The following ACTR3C variants were observed in gnomAD, a reference collection of about 807,000 sequenced individuals.
ACTR3C encodes actin-related protein 3C.
Under a neutral mutation model 26.3 loss-of-function variants are expected in ACTR3C, and 18 were observed. The ratio of observed to expected loss-of-function variants is 0.68; its 90% CI spans 0.47 to 1.01. ACTR3C has a LOEUF of 1.01. Among genes scored for constraint, ACTR3C ranks in the 50% least tolerant of loss-of-function variants. ACTR3C has a pLI of 0.00. For missense variants in ACTR3C, 184 were observed against 250.7 expected (o/e 0.73, Z 1.80); for synonymous variants, 55 against 94.5 (o/e 0.58, Z 2.42).
At chr7:150,071,936 G>A in the ACTR3C span, among the ~76,000 whole-genome samples, 1 of 145,778 alleles carries the variant, frequency 6.9e-6, no homozygotes, top group Non-Finnish European at 1.5e-5. Context: ...AGGCGGAGAG[G>A]GGCCTACCAG....
the ACTR3C span, among the ~76,000 whole-genome samples, chr7:150,008,656 C>T: frequency 6.7e-6 from 1 of 150,276 alleles, no homozygotes. Flanking sequence ...CACTAGCTGC[C>T]CAGGGGCCAC....
chr7:150,021,907 T>G, the ACTR3C span, among the ~76,000 whole-genome samples: 1 of 151,820 alleles, frequency 6.6e-6, no homozygotes, highest in East Asian at 1.9e-4. Flanking sequence ...TTTTTGCAAT[T>G]GTGAGTTGTA....
chr7:149,891,249 A>G, the ACTR3C span: 1 of 1,338,118 alleles, frequency 7.5e-7, no homozygotes, highest in South Asian at 1.4e-5. Context: ...CACTTGCTCC[A>G]TGAACCTTTC....
the ACTR3C span, among the ~76,000 whole-genome samples, chr7:149,895,541 A>G: frequency 6.6e-6 from 1 of 152,198 alleles, no homozygotes; most frequent in Non-Finnish European, 1.5e-5. Context: ...AAAAAATAAA[A>G]TCAGAGCCAG....
chr7:150,037,144 T>A, the ACTR3C span, among the ~76,000 whole-genome samples: 1 of 10,114 alleles, frequency 9.9e-5, no homozygotes, highest in Admixed American at 9.5e-4. Flanking sequence ...CCCTGCCTCG[T>A]GGGGGGTGCC....
At chr7:149,971,722 G>T in the ACTR3C span, among the ~76,000 whole-genome samples, 1 of 152,324 alleles carries the variant, frequency 6.6e-6, no homozygotes, top group East Asian at 1.9e-4. Context: ...ACAGTGGAGT[G>T]TCATGTCTCC....
At chr7:150,125,738 C>T in the ACTR3C span, among the ~76,000 whole-genome samples, 2 of 152,072 alleles carry the variant, frequency 1.3e-5, no homozygotes, top group African/African-American at 4.8e-5. Flanking sequence ...CCGGCTGGTA[C>T]GTAGTAGGTA....
At chr7:150,062,252 A>G in the ACTR3C span, 1 of 36,492 alleles carries the variant, frequency 2.7e-5, no homozygotes, top group African/African-American at 1.3e-4. Context: ...ATGAACTATA[A>G]TCTACTGGTA....
chr7:150,015,844 C>T, the ACTR3C span, among the ~76,000 whole-genome samples: 1 of 152,342 alleles, frequency 6.6e-6, no homozygotes, highest in South Asian at 2.1e-4. Context: ...TACATGTCCT[C>T]ATTTTGCTAG....
chr7:150,036,707 C>T, the ACTR3C span, among the ~76,000 whole-genome samples: 3 of 138,304 alleles, frequency 2.2e-5, no homozygotes, highest in African/African-American at 7.7e-5. Flanking sequence ...TCTTTCTGTT[C>T]CCGAGCTGGA....
chr7:149,978,737 A>G, the ACTR3C span, among the ~76,000 whole-genome samples: 1 of 151,922 alleles, frequency 6.6e-6, no homozygotes, highest in Non-Finnish European at 1.5e-5. Flanking sequence ...CATCATGCAC[A>G]GCTTTTGTGT....
chr7:150,151,729 A>C, the ACTR3C span, among the ~76,000 whole-genome samples: 1 of 81,716 alleles, frequency 1.2e-5, no homozygotes, highest in South Asian at 8.3e-4. Flanking sequence ...CACTCTGGGG[A>C]CTGTTGTGGG....
the ACTR3C span, among the ~76,000 whole-genome samples, chr7:149,975,809 C>T: frequency 2.0e-5 from 3 of 152,172 alleles, no homozygotes; most frequent in African/African-American, 7.2e-5. Context: ...AAACCATCAG[C>T]TCTCCTGAGA....
chr7:150,146,553 C>CT, the ACTR3C span, among the ~76,000 whole-genome samples: 457 of 152,238 alleles, frequency 3.0e-3, 2 homozygotes, highest in African/African-American at 0.011. Flanking sequence ...AACTGATTTT[C>CT]TTTTTTCGGC....
the ACTR3C span, among the ~76,000 whole-genome samples, chr7:150,038,640 C>T: frequency 3.0e-4 from 43 of 145,004 alleles, 3 homozygotes; most frequent in East Asian, 5.7e-3. Context: ...TCGGACCCGT[C>T]GGATCGTAAA....
At chr7:149,998,582 A>G in the ACTR3C span, among the ~76,000 whole-genome samples, 1 of 149,722 alleles carries the variant, frequency 6.7e-6, no homozygotes, top group Non-Finnish European at 1.5e-5. Context: ...AAAGCCCCTT[A>G]TAAAACCATC....
the ACTR3C span, among the ~76,000 whole-genome samples, chr7:150,011,265 T>G: frequency 6.6e-6 from 1 of 152,030 alleles, no homozygotes; most frequent in Non-Finnish European, 1.5e-5. Context: ...AACACCTTCA[T>G]CAAAGGTCTA....
downstream of ACTR3C, chr7:150,244,158 A>C (rs867536888): frequency 1.7e-3 from 131 of 75,606 alleles, 4 homozygotes; most frequent in African/African-American, 9.5e-3. Context: ...ATATAGTCTT[A>C]GAATATTGAA....
chr7:150,321,648 G>A (rs1797526903), intron 1 of ACTR3C, among the ~76,000 whole-genome samples: 1 of 152,190 alleles, frequency 6.6e-6, no homozygotes, highest in African/African-American at 2.4e-5. Context: ...ACTGAGGCAG[G>A]AGAATCGCTT....
Sources: gnomAD v4.1 joint callset for allele counts (sites outside exome capture counted in the v4.1 genomes callset) on GRCh38, gnomAD v4.1.1 for gene constraint, MANE v1.5 for transcripts, NCBI Gene and HGNC (gene_info 2026-07-23, HGNC 2026-07-21) for gene names.